ASH1L: variants seen among roughly 807,000 people sequenced by gnomAD.
ASH1L encodes the protein ASH1 like histone lysine methyltransferase, also known as histone-lysine N-methyltransferase ASH1L.
A neutral mutation model predicts 269.0 loss-of-function variants in ASH1L; 23 were observed. The observed-to-expected ratio is 0.09, with a 90% confidence interval of 0.06 to 0.12. The LOEUF is 0.12. ASH1L is among the 10% of genes least tolerant of loss of function. ASH1L has a pLI of 1.00. For synonymous variants in ASH1L, 1,187 were observed against 1,253.5 expected (o/e 0.95, Z 1.12); for missense variants, 2,912 against 3,567.8 (o/e 0.82, Z 4.68).
intron 1 of ASH1L, among the ~76,000 whole-genome samples, chr1:155,521,942 C>T (rs1332150630): frequency 1.3e-5 from 2 of 152,256 alleles, no homozygotes; most frequent in East Asian, 1.9e-4. Flanking sequence ...TATATTTTCG[C>T]ACTCATCAGT....
rs1652481975 is a variant in ASH1L, at chr1:155,338,242, C to T, written c.8650G>A (p.Ala2884Thr). 5 of 1,614,018 alleles carry T rather than the reference C, an allele frequency of 3.1e-6. No homozygotes were observed. The highest frequency in any genetic ancestry group is 1.1e-5 in the South Asian group (1 of 91,080). ...TCACCCTCACTGACGTTAGCAGTGGCCCCTTCCCGTTCTGGCTCCTCCAGG... is the reference window on the plus strand; with the variant it reads ...TCACCCTCACTGACGTTAGCAGTGGTCCCTTCCCGTTCTGGCTCCTCCAGG... ...PSLEEPEREG[A>T]TANVSEGEKK... The change falls in exon 27 of 28, where the codon GCC becomes ACC. Residue 2884 changes from alanine (A) to threonine (T), a missense_variant. Coordinates refer to ENST00000392403, the MANE Select transcript of ASH1L (RefSeq NM_018489.3).
intron 6 of ASH1L, among the ~76,000 whole-genome samples, chr1:155,402,885 C>T (rs1369227271): frequency 2.2e-5 from 3 of 137,398 alleles, no homozygotes; most frequent in Non-Finnish European, 3.1e-5. Flanking sequence ...TTTTTTTCAG[C>T]ATAAAAAGAC....
At chr1:155,374,214 A>C (rs1571033752) in intron 10 of ASH1L, among the ~76,000 whole-genome samples, 3 of 152,066 alleles carry the variant, frequency 2.0e-5, no homozygotes, top group African/African-American at 7.2e-5. Context: ...AATCCCAGCT[A>C]CTTGGGAGGC....
At position 155,337,583 on chromosome 1, in the gene ASH1L, C is replaced by T. The variant is rs1570931028; in HGVS notation, c.*77G>A. ...CCAGATGGACCCTTCCCACCCCTGT[C>T]TATACCCAGAGAGCAGGAGGCAGGA... On this transcript the variant is annotated 3_prime_UTR_variant, in exon 28 of 28. Transcript: ENST00000392403. 9 of 1,264,382 alleles carry T rather than the reference C, an allele frequency of 7.1e-6. No individual in the cohort carries two copies. The South Asian group carries it at 1.1e-4, about 15-fold the overall frequency. The allele number at this position is 1,264,382 out of a possible 1,614,324, so 78.3% of individuals were successfully genotyped here. A position where few individuals can be genotyped will look rare whatever the true frequency, so the allele number is the denominator to read the frequency against.
chr1:155,496,789 C>A (rs962584105), intron 2 of ASH1L, among the ~76,000 whole-genome samples: 1 of 151,968 alleles, frequency 6.6e-6, no homozygotes, highest in Non-Finnish European at 1.5e-5. Flanking sequence ...CAAGCATGTG[C>A]AATCACGCTT....
Position 155,532,881 on chromosome 1 carries a change from G to GTA in ASH1L, c.-99-11265_-99-11264dup, listed in dbSNP as rs537293686. 1.4e-3 allele frequency among the ~76,000 whole-genome samples: 208 copies of GTA among 145,182 alleles called. 2 individuals are homozygous for GTA. In the South Asian group the frequency reaches 0.017, roughly 12 times the overall value. ...CACACATATATATGTGTATATATAT[G>GTA]TATATATATATGTATGTATGTATAT... On this transcript the variant is annotated intron_variant, in intron 1 of 27. Transcript: ENST00000392403.
Position 155,370,625 on chromosome 1 carries a change from T to C in ASH1L, c.6565A>G (p.Asn2189Asp). 6.2e-7 allele frequency: 1 copy of C among 1,614,222 alleles called. No homozygotes were observed. Among genetic ancestry groups the C allele is most frequent in the South Asian group, 1.1e-5 (1 of 91,088 alleles). Reference protein sequence around the residue: ...FRNRMIEQYHNHSDHYCLNLD... With the variant: ...FRNRMIEQYHDHSDHYCLNLD... ...TTCAGGCAGTAGTGGTCACTGTGAT[T>C]ATGATACTGCTCAATCATCCTGTTC... Residue 2189 changes from asparagine to aspartate, a missense_variant, in exon 12 of 28, where the codon AAT becomes GAT. By Grantham distance (23) the Asn-to-Asp change is conservative. Coordinates refer to ENST00000392403, the MANE Select transcript of ASH1L (RefSeq NM_018489.3).
rs546232456 is a variant in ASH1L, at chr1:155,556,446, A to G, written c.-100+5707T>C. Reference sequence around the variant, plus strand: ...TGTGTGTGTGTGTGTGTGTATGTGTATATATATATATTTTTTGAGACAGAG... The same window carrying G: ...TGTGTGTGTGTGTGTGTGTATGTGTGTATATATATATTTTTTGAGACAGAG... On this transcript the variant is annotated intron_variant, in intron 1 of 27. Coordinates refer to ENST00000392403, the MANE Select transcript of ASH1L (RefSeq NM_018489.3). Among the ~76,000 whole-genome samples, 806 of 150,166 alleles carry G rather than the reference A, an allele frequency of 5.4e-3. 7 individuals are homozygous for G. The highest frequency in any genetic ancestry group is 0.019 in the African/African-American group (784 of 40,534).
intron 1 of ASH1L, among the ~76,000 whole-genome samples, chr1:155,539,791 T>A (rs1253414001): frequency 6.6e-6 from 1 of 151,814 alleles, no homozygotes. Flanking sequence ...CCCAGCACAT[T>A]GAGGCCAAGG....
intron 2 of ASH1L, among the ~76,000 whole-genome samples, chr1:155,513,030 C>T (rs1483823736): frequency 6.6e-6 from 1 of 151,798 alleles, no homozygotes; most frequent in East Asian, 1.9e-4. Context: ...TCACTGCACT[C>T]CAACCTAGGC....
chr1:155,373,876 C>T (rs1034565269), intron 10 of ASH1L, among the ~76,000 whole-genome samples: 2 of 152,122 alleles, frequency 1.3e-5, no homozygotes, highest in African/African-American at 2.4e-5. Context: ...TCCATGTTGC[C>T]CAGGCTGGTC....
intron 5 of ASH1L, 134 bp from the exon 6 acceptor site, chr1:155,416,057 A>T: frequency 3.1e-6 from 2 of 643,160 alleles, no homozygotes; most frequent in Non-Finnish European, 5.0e-6. Flanking sequence ...CCATGTTTAA[A>T]TAACTGGTAC....
chr1:155,366,003 C>G (rs1655389328), intron 12 of ASH1L, among the ~76,000 whole-genome samples: 1 of 152,094 alleles, frequency 6.6e-6, no homozygotes, highest in African/African-American at 2.4e-5. Flanking sequence ...AGCGTTTAAA[C>G]CAGAGCGACT....
Position 155,336,592 on chromosome 1 carries a change from T to A in ASH1L, c.*1068A>T, listed in dbSNP as rs1203399125. On this transcript the variant is annotated 3_prime_UTR_variant, in exon 28 of 28. Transcript: ENST00000392403. ...AGGAAGGAGACACCCTGGATATACC[T>A]CCTGATGTCATTCAGGAGGGTGAGG... 1 of 152,604 alleles carries A rather than the reference T, an allele frequency of 6.6e-6. No individual in the cohort carries two copies. Among genetic ancestry groups the A allele is most frequent in the African/African-American group, 2.4e-5 (1 of 41,400 alleles). 9.5% of individuals were successfully genotyped at this position (152,604 alleles called of 1,614,324 possible).
intron 2 of ASH1L, among the ~76,000 whole-genome samples, chr1:155,495,554 G>A (rs1016472889): frequency 2.6e-5 from 4 of 152,104 alleles, no homozygotes; most frequent in Non-Finnish European, 5.9e-5. Context: ...ATCATGAATG[G>A]AGCTTGCAAG....
At chr1:155,387,493 T>C (rs1286858150) in intron 7 of ASH1L, among the ~76,000 whole-genome samples, 1 of 152,210 alleles carries the variant, frequency 6.6e-6, no homozygotes, top group Non-Finnish European at 1.5e-5. Context: ...CTGGTCTATG[T>C]GTCTGCTCTT....
At chr1:155,458,745 C>T (rs1190068634) in intron 4 of ASH1L, among the ~76,000 whole-genome samples, 1 of 151,992 alleles carries the variant, frequency 6.6e-6, no homozygotes, top group Non-Finnish European at 1.5e-5. Context: ...ACCAACCAAC[C>T]AACCAACCAA....
At chr1:155,464,595 C>T (rs1242301571) in intron 3 of ASH1L, among the ~76,000 whole-genome samples, 2 of 151,590 alleles carry the variant, frequency 1.3e-5, no homozygotes, top group South Asian at 4.2e-4. Flanking sequence ...GTTTTTCTTC[C>T]GTTGGAAATA....
chr1:155,437,910 A>G (rs1662228765), intron 5 of ASH1L, among the ~76,000 whole-genome samples: 1 of 152,172 alleles, frequency 6.6e-6, no homozygotes, highest in Admixed American at 6.5e-5. Context: ...GTTGGAGTGC[A>G]GCGGTGCAAT....
Sources: gnomAD v4.1 joint callset for allele counts (sites outside exome capture counted in the v4.1 genomes callset) on GRCh38, gnomAD v4.1.1 for gene constraint, MANE v1.5 for transcripts, NCBI Gene and HGNC (gene_info 2026-07-23, HGNC 2026-07-21) for gene names.